The following SH3BGRL2 variants were observed in gnomAD, a reference collection of about 807,000 sequenced individuals.
SH3BGRL2 encodes the protein SH3 domain-binding glutamic acid-rich-like protein 2.
Under a neutral mutation model 14.8 loss-of-function variants are expected in SH3BGRL2, and 21 were observed. The observed-to-expected ratio is 1.42, with a 90% CI of 1.01 to 2.05. The LOEUF (loss-of-function observed/expected upper bound fraction) is 2.05, where lower values mean the gene tolerates loss of function less well. Among genes scored for constraint, SH3BGRL2 ranks in the 30% most tolerant of loss-of-function variants. The pLI is 0.00. For missense variants in SH3BGRL2, 147 were observed against 130.8 expected, an observed-to-expected ratio of 1.12 and a Z score of -0.61; for synonymous variants, 50 against 47.8, an observed-to-expected ratio of 1.05 and a Z score of -0.19.
chr6:79,631,379 C>T lies in SH3BGRL2; in HGVS notation c.-83C>T. The stretch of plus-strand genomic sequence containing the variant: ...CAGCGCTTTACCCAGAGGCTGCCGG[C>T]GGCTCGTAGCTGGGTTCAGCTCTGC... On this transcript the variant is annotated 5_prime_UTR_variant, in exon 1 of 4. Transcript: ENST00000369838. 3 of 1,273,234 alleles carry T rather than the reference C, an allele frequency of 2.4e-6. No individual in the cohort carries two copies. Among genetic ancestry groups the T allele is most frequent in the Admixed American group, 3.2e-5 (1 of 31,408 alleles). The allele number at this position is 1,273,234 out of a possible 1,614,324, so 78.9% of individuals were successfully genotyped here.
At chr6:79,650,106 A>AT (rs1248928704) in intron 1 of SH3BGRL2, among the ~76,000 whole-genome samples, 3 of 152,026 alleles carry the variant, frequency 2.0e-5, no homozygotes, top group African/African-American at 7.2e-5. Flanking sequence ...ATATAGAGAA[A>AT]TTTGAGGTGG....
chr6:79,688,740 G>T (rs750667018), intron 2 of SH3BGRL2, among the ~76,000 whole-genome samples: 16 of 152,018 alleles, frequency 1.1e-4, no homozygotes, highest in Non-Finnish European at 1.9e-4. Context: ...TTTTATTTAA[G>T]AATGCTTACA....
chr6:79,563,048 C>T, the SH3BGRL2 span, among the ~76,000 whole-genome samples: 4 of 152,144 alleles, frequency 2.6e-5, no homozygotes, highest in Non-Finnish European at 5.9e-5. Context: ...CTCCGCCTCC[C>T]GAGTTCACGC....
the SH3BGRL2 span, among the ~76,000 whole-genome samples, chr6:79,593,947 C>T: frequency 6.6e-6 from 1 of 151,838 alleles, no homozygotes; most frequent in Non-Finnish European, 1.5e-5. Flanking sequence ...ATAGCCTTAA[C>T]CCAGGAGGCA....
Position 79,673,725 on chromosome 6 carries a change from G to T in SH3BGRL2, c.157G>T (p.Val53Phe), listed in dbSNP as rs371878206. 2 of 1,614,054 alleles carry T rather than the reference G, an allele frequency of 1.2e-6. No homozygotes were observed. The highest frequency in any genetic ancestry group is 1.7e-6 in the Non-Finnish European group (2 of 1,180,008). The change falls in exon 2 of 4, where the codon GTC (valine) becomes TTC (phenylalanine). Residue 53 changes from valine (V) to phenylalanine (F), a missense_variant. Val to Phe is a conservative substitution (Grantham distance 50, BLOSUM62 -1). Transcript: ENST00000369838. ...EEQRQWMYKN[V>F]PPEKKPTQGN... ...ACAGAGGCAATGGATGTACAAAAAC[G>T]TCCCCCCGGAAAAGAAACCCACTCA... is the stretch of plus-strand genomic sequence containing the variant.
chr6:79,670,202 G>C (rs1769745485), intron 1 of SH3BGRL2, among the ~76,000 whole-genome samples: 1 of 152,176 alleles, frequency 6.6e-6, no homozygotes, highest in African/African-American at 2.4e-5. Flanking sequence ...TCCCCCAACT[G>C]TTTAAAAATA....
At chr6:79,668,771 TTAAC>T (rs1769713504) in intron 1 of SH3BGRL2, among the ~76,000 whole-genome samples, 1 of 152,194 alleles carries the variant, frequency 6.6e-6, no homozygotes, top group Non-Finnish European at 1.5e-5. Context: ...ACTATTAAAA[TTAAC>T]TGACAATAGA....
the SH3BGRL2 span, among the ~76,000 whole-genome samples, chr6:79,615,415 C>T: frequency 0.47 from 71,796 of 152,026 alleles, 17,366 homozygotes; most frequent in East Asian, 0.77. Context: ...CGCAGGGTAA[C>T]TCCATAGCCT....
chr6:79,551,644 A>T, the SH3BGRL2 span, among the ~76,000 whole-genome samples: 1 of 152,176 alleles, frequency 6.6e-6, no homozygotes. Flanking sequence ...TTGGCTAAAC[A>T]TACATACTCA....
At chr6:79,579,247 T>G in the SH3BGRL2 span, among the ~76,000 whole-genome samples, 4 of 152,130 alleles carry the variant, frequency 2.6e-5, no homozygotes, top group African/African-American at 9.7e-5. Flanking sequence ...CCAGGAGAAC[T>G]TCCACAACCT....
At chr6:79,604,997 AT>A in the SH3BGRL2 span, among the ~76,000 whole-genome samples, 1 of 152,160 alleles carries the variant, frequency 6.6e-6, no homozygotes, top group Non-Finnish European at 1.5e-5. Context: ...TTGCAAGGTG[AT>A]TTTGCCACTT....
chr6:79,576,466 G>A, the SH3BGRL2 span, among the ~76,000 whole-genome samples: 16,229 of 152,110 alleles, frequency 0.11, 982 homozygotes, highest in Non-Finnish European at 0.13. Context: ...TCATTTCCTC[G>A]TAGCATTCGA....
intron 1 of SH3BGRL2, among the ~76,000 whole-genome samples, chr6:79,666,500 A>G (rs1769662574): frequency 6.6e-6 from 1 of 152,148 alleles, no homozygotes; most frequent in Non-Finnish European, 1.5e-5. Flanking sequence ...ATAATCCCTA[A>G]TAAGGCCAAG....
chr6:79,604,673 G>C, the SH3BGRL2 span, among the ~76,000 whole-genome samples: 1 of 152,148 alleles, frequency 6.6e-6, no homozygotes, highest in Non-Finnish European at 1.5e-5. Context: ...TCCTGTCCTT[G>C]CCTCATCATT....
intron 2 of SH3BGRL2, among the ~76,000 whole-genome samples, chr6:79,695,055 T>C (rs1041853783): frequency 6.6e-6 from 1 of 152,230 alleles, no homozygotes; most frequent in Non-Finnish European, 1.5e-5. Flanking sequence ...GCCCAGCATA[T>C]GTTTATCCCT....
At chr6:79,697,688 G>A (rs921698016) in intron 3 of SH3BGRL2, among the ~76,000 whole-genome samples, 1 of 152,102 alleles carries the variant, frequency 6.6e-6, no homozygotes, top group Admixed American at 6.6e-5. Flanking sequence ...GTATTTAAAG[G>A]TTCTTAAAAC....
intron 1 of SH3BGRL2, among the ~76,000 whole-genome samples, chr6:79,650,311 C>T (rs1338205128): frequency 1.3e-5 from 2 of 152,046 alleles, no homozygotes; most frequent in Non-Finnish European, 2.9e-5. Flanking sequence ...TTTCAGTAGA[C>T]AGGGAAGCTA....
chr6:79,602,560 G>A, the SH3BGRL2 span, among the ~76,000 whole-genome samples: 1 of 152,138 alleles, frequency 6.6e-6, no homozygotes, highest in Non-Finnish European at 1.5e-5. Context: ...ATATGCTTAA[G>A]TAAGAGCCCA....
chr6:79,613,737 G>C, the SH3BGRL2 span, among the ~76,000 whole-genome samples: 1 of 152,032 alleles, frequency 6.6e-6, no homozygotes, highest in Non-Finnish European at 1.5e-5. Flanking sequence ...CTCCTGAGTA[G>C]CTGGGATTAC....
Sources: allele counts gnomAD v4.1 joint callset (sites outside exome capture counted in the v4.1 genomes callset), GRCh38; gene constraint gnomAD v4.1.1; transcripts MANE v1.5; gene names NCBI Gene and HGNC (gene_info 2026-07-23, HGNC 2026-07-21).